Variants in MAST4 observed in about 807,000 individuals in gnomAD.
The protein encoded by MAST4 is microtubule associated serine/threonine kinase family member 4.
In MAST4, 89 loss-of-function variants were observed where a neutral mutation model predicts 162.7. The observed-to-expected ratio is 0.55, with a 90% confidence interval of 0.46 to 0.65. MAST4 has a LOEUF of 0.65. Ranked by LOEUF, MAST4 falls within the 30% of genes least tolerant of loss-of-function variation. MAST4 has a pLI of 0.00. For missense variants in MAST4, 3,153 were observed against 3,374.0 expected, an observed-to-expected ratio of 0.93 and a Z score of 1.62; for synonymous variants, 1,479 against 1,361.1, an observed-to-expected ratio of 1.09 and a Z score of -1.91.
Position 66,965,437 on chromosome 5 carries a change from G to A in MAST4, c.674+65455G>A, listed in dbSNP as rs957118878. Among the ~76,000 whole-genome samples the A allele has an allele frequency of 2.6e-5, 4 of 151,744 alleles. No individual in the cohort carries two copies. The East Asian group carries it at 7.7e-4, about 29-fold the overall frequency. On this transcript the variant is annotated intron_variant, in intron 4 of 28. Coordinates refer to ENST00000403625, the MANE Select transcript of MAST4 (RefSeq NM_001164664.2). ...TATGAAGATGGCATCATTAGTAGAA[G>A]AGAAAAGAAAATTAGATTCAGTGCT...
chr5:66,615,794 C>T (rs746043365), intron 1 of MAST4, among the ~76,000 whole-genome samples: 1 of 152,104 alleles, frequency 6.6e-6, no homozygotes, highest in Non-Finnish European at 1.5e-5. Flanking sequence ...GGCAACAGAG[C>T]GAGATCCTTG....
intron 4 of MAST4, among the ~76,000 whole-genome samples, chr5:66,957,146 A>T (rs763529443): frequency 1.3e-5 from 2 of 152,142 alleles, no homozygotes; most frequent in Non-Finnish European, 2.9e-5. Context: ...TAATATTCTA[A>T]TGTGTTTCCT....
chr5:66,699,925 A>C (rs573499555), intron 1 of MAST4, among the ~76,000 whole-genome samples: 21 of 152,324 alleles, frequency 1.4e-4, no homozygotes, highest in Non-Finnish European at 2.5e-4. Context: ...CTTAAAAAAA[A>C]AAACAAACCC....
At chr5:66,695,912 T>C (rs1473354369) in intron 1 of MAST4, among the ~76,000 whole-genome samples, 1 of 152,198 alleles carries the variant, frequency 6.6e-6, no homozygotes, top group Non-Finnish European at 1.5e-5. Context: ...CGTATGTTTA[T>C]TGCAGTACTA....
At chr5:67,046,997 G>C (rs945600269) in intron 4 of MAST4, among the ~76,000 whole-genome samples, 2 of 152,132 alleles carry the variant, frequency 1.3e-5, no homozygotes, top group African/African-American at 4.8e-5. Context: ...GAGGCACTCA[G>C]GCTGATAGTA....
chr5:66,631,881 G>T (rs1744817354), intron 1 of MAST4, among the ~76,000 whole-genome samples: 1 of 152,086 alleles, frequency 6.6e-6, no homozygotes, highest in Admixed American at 6.5e-5. Context: ...AAATAATCTG[G>T]CAAGAGTTGT....
chr5:66,990,544 T>C (rs1749963585), intron 4 of MAST4, among the ~76,000 whole-genome samples: 1 of 151,996 alleles, frequency 6.6e-6, no homozygotes, highest in Admixed American at 6.5e-5. Context: ...GAGGGTGAGG[T>C]GGGAAGATCA....
chr5:66,873,021 G>A (rs1488828578), intron 3 of MAST4, among the ~76,000 whole-genome samples: 2 of 152,192 alleles, frequency 1.3e-5, no homozygotes, highest in African/African-American at 2.4e-5. Context: ...GGTGGTGAGA[G>A]TCTTTTTGCT....
intron 4 of MAST4, among the ~76,000 whole-genome samples, chr5:66,925,718 A>G (rs186686603): frequency 1.3e-3 from 200 of 152,284 alleles, no homozygotes; most frequent in African/African-American, 4.6e-3. Context: ...TGTGCCTAGC[A>G]TGTAACAGGT....
chr5:67,030,387 C>T (rs1755160058), intron 4 of MAST4, among the ~76,000 whole-genome samples: 1 of 152,118 alleles, frequency 6.6e-6, no homozygotes, highest in Non-Finnish European at 1.5e-5. Context: ...TCTGAGATGA[C>T]CATCTGATGT....
At chr5:66,764,244 C>T (rs915997258) in intron 2 of MAST4, among the ~76,000 whole-genome samples, 1 of 152,154 alleles carries the variant, frequency 6.6e-6, no homozygotes, top group African/African-American at 2.4e-5. Flanking sequence ...TATGTGTCTA[C>T]CTTCTTCTTT....
chr5:67,095,628 C>T lies in MAST4; in HGVS notation c.865C>T (p.Leu289Phe). ...TGGACGCCGCTGGTCGTTGGCTTCT[C>T]TCCCTTCCTCTGGCTATGGGACAAA... ...TDGRRWSLAS[L>F]PSSGYGTNTP... is the part of the protein sequence containing the mutation. Residue 289 changes from leucine to phenylalanine, a missense_variant, in exon 7 of 29, where the codon CTC (leucine) becomes TTC (phenylalanine). Coordinates refer to ENST00000403625, the MANE Select transcript of MAST4 (RefSeq NM_001164664.2). 6.2e-7 allele frequency: 1 copy of T among 1,610,196 alleles called. No individual in the cohort carries two copies. Among genetic ancestry groups the T allele is most frequent in the Non-Finnish European group, 8.5e-7 (1 of 1,177,876 alleles).
intron 4 of MAST4, among the ~76,000 whole-genome samples, chr5:66,941,310 A>G (rs1350617949): frequency 2.1e-4 from 32 of 152,084 alleles, no homozygotes; most frequent in Non-Finnish European, 1.5e-4. Context: ...AGAAGGCTGT[A>G]TTGTCTACAT....
chr5:67,106,891 G>A (rs1006545663), intron 10 of MAST4, among the ~76,000 whole-genome samples: 4 of 152,160 alleles, frequency 2.6e-5, no homozygotes, highest in African/African-American at 9.7e-5. Flanking sequence ...TGGAAGGGAG[G>A]AAGGAAGAAA....
chr5:66,617,048 A>C (rs1743741260), intron 1 of MAST4, among the ~76,000 whole-genome samples: 1 of 152,332 alleles, frequency 6.6e-6, no homozygotes, highest in East Asian at 1.9e-4. Context: ...GAGAACATTA[A>C]ATCTGTCATT....
intron 5 of MAST4, among the ~76,000 whole-genome samples, chr5:67,070,119 T>C (rs113915255): frequency 7.6e-4 from 116 of 152,294 alleles, no homozygotes; most frequent in Non-Finnish European, 1.2e-3. Flanking sequence ...TGATTCACAT[T>C]TGGTGCTCTT....
At chr5:66,956,766 G>A (rs1745367086) in intron 4 of MAST4, among the ~76,000 whole-genome samples, 1 of 152,190 alleles carries the variant, frequency 6.6e-6, no homozygotes. Flanking sequence ...TTACTCACAG[G>A]GAAGCTGTTG....
chr5:66,845,085 T>TTATATATATATATATATATATA (rs752796951), intron 3 of MAST4, among the ~76,000 whole-genome samples: 1 of 57,970 alleles, frequency 1.7e-5, no homozygotes, highest in African/African-American at 7.1e-5. Context: ...TCACTAATCT[T>TTATATATATATATATATATATA]TATATATATA....
intron 1 of MAST4, among the ~76,000 whole-genome samples, chr5:66,627,401 CAGT>C (rs1202864845): frequency 6.6e-6 from 1 of 152,108 alleles, no homozygotes; most frequent in African/African-American, 2.4e-5. Flanking sequence ...AAAAGGAAAA[CAGT>C]GGTGTCCTGG....
Sources: allele counts gnomAD v4.1 joint callset (sites outside exome capture counted in the v4.1 genomes callset), GRCh38; gene constraint gnomAD v4.1.1; transcripts MANE v1.5; gene names NCBI Gene and HGNC (gene_info 2026-07-23, HGNC 2026-07-21).